Variants in ABTB2 observed in about 807,000 individuals in gnomAD.
ABTB2 encodes the protein ankyrin repeat and BTB domain containing 2, also known as ankyrin repeat and BTB/POZ domain-containing protein 2.
ABTB2 carries 56 observed loss-of-function variants against 104.1 expected under a neutral mutation model. The ratio of observed to expected loss-of-function variants is 0.54; its 90% confidence interval spans 0.43 to 0.67. The LOEUF is 0.67. Among genes scored for constraint, ABTB2 ranks in the 30% least tolerant of loss-of-function variants. The pLI is 0.00. For synonymous variants in ABTB2, 606 were observed against 608.2 expected (o/e 1.00, Z 0.05); for missense variants, 1,279 against 1,407.7 (o/e 0.91, Z 1.46).
chr11:34,317,692 G>A (rs1190350712), intron 1 of ABTB2, among the ~76,000 whole-genome samples: 1 of 150,790 alleles, frequency 6.6e-6, no homozygotes, highest in African/African-American at 2.5e-5. Flanking sequence ...AGCCTGGGAG[G>A]CGGAGGTTGC....
intron 9 of ABTB2, among the ~76,000 whole-genome samples, 184 bp downstream of exon 9, chr11:34,164,502 C>G (rs1390238234): frequency 1.3e-5 from 2 of 152,230 alleles, no homozygotes; most frequent in African/African-American, 4.8e-5. Context: ...TGTGGGGCCT[C>G]CCCCATCTCT....
intron 1 of ABTB2, among the ~76,000 whole-genome samples, chr11:34,295,286 C>T (rs755106198): frequency 1.3e-5 from 2 of 152,154 alleles, no homozygotes; most frequent in African/African-American, 2.4e-5. Flanking sequence ...TGATCTTACA[C>T]AGGCTAGAGG....
At chr11:34,196,077 C>T (rs1351048691) in intron 3 of ABTB2, among the ~76,000 whole-genome samples, 1 of 152,172 alleles carries the variant, frequency 6.6e-6, no homozygotes, top group Non-Finnish European at 1.5e-5. Context: ...TTTCCCACTT[C>T]CTGGACCCTC....
chr11:34,298,494 G>A (rs1047974317), intron 1 of ABTB2, among the ~76,000 whole-genome samples: 2 of 149,906 alleles, frequency 1.3e-5, no homozygotes, highest in Non-Finnish European at 3.0e-5. Flanking sequence ...ACAGAGTCTC[G>A]CTCTGTTGCC....
rs35018448 is a variant in ABTB2 at position 34,326,629 on chromosome 11, C to CAA, written c.883+30070_883+30071dup. 1.0e-3 allele frequency among the ~76,000 whole-genome samples: 102 copies of CAA among 102,360 alleles called. 1 individual carries two copies. The highest frequency in any genetic ancestry group is 1.9e-3 in the African/African-American group (55 of 29,064). 67.2% of individuals were successfully genotyped at this position (102,360 alleles called of 152,430 possible). A position where few individuals can be genotyped will look rare whatever the true frequency, so the allele number is the denominator to read the frequency against. On this transcript the variant is annotated intron_variant, in intron 1 of 16. Coordinates refer to ENST00000435224, the MANE Select transcript of ABTB2 (RefSeq NM_145804.3). ...TGGGTGTCAGAGGGAGACCCTGTCT[C>CAA]AAAAAAAAAAAAAAAAGTTTAAATA...
chr11:34,257,468 A>G (rs10836176), intron 1 of ABTB2, among the ~76,000 whole-genome samples: 46,756 of 152,082 alleles, frequency 0.31, 7,661 homozygotes, highest in African/African-American at 0.42. Flanking sequence ...ACTCAGATGA[A>G]TCAGGTAGCC....
intron 3 of ABTB2, among the ~76,000 whole-genome samples, chr11:34,180,440 C>T (rs1853012587): frequency 6.6e-6 from 1 of 152,216 alleles, no homozygotes; most frequent in South Asian, 2.1e-4. Flanking sequence ...GATCTGTCCT[C>T]AAATGCTGCA....
Position 34,356,007 on chromosome 11 carries a change from G to A in ABTB2, c.883+694C>T, listed in dbSNP as rs1855460612. ...TTTTAACCAATGGCTCACTTGGTTG[G>A]TGACAGCTTGGAAAAATCAGGTCTC... is the stretch of plus-strand genomic sequence containing the variant. On this transcript the variant is annotated intron_variant, in intron 1 of 16. Transcript: ENST00000435224. This position sits in a 1 kb window ranked among gnomAD's most constrained non-coding sequence, Gnocchi z 4.6. Among the ~76,000 whole-genome samples the A allele has an allele frequency of 6.6e-6, 1 of 152,190 alleles. No individual in the cohort carries two copies. Among genetic ancestry groups the A allele is most frequent in the Non-Finnish European group, 1.5e-5 (1 of 68,024 alleles).
At chr11:34,332,816 T>C (rs1297817179) in intron 1 of ABTB2, among the ~76,000 whole-genome samples, 4 of 149,978 alleles carry the variant, frequency 2.7e-5, no homozygotes, top group Admixed American at 1.3e-4. Flanking sequence ...CTGGTTTCAG[T>C]TAAAAAAAAA....
intron 1 of ABTB2, among the ~76,000 whole-genome samples, chr11:34,258,620 T>C (rs1395257470): frequency 6.7e-6 from 1 of 149,366 alleles, no homozygotes; most frequent in Non-Finnish European, 1.5e-5. Context: ...TTTTTTTTTT[T>C]TTTTTTTTGA....
At chr11:34,179,080 C>CAAAAAAAA (rs111676312) in intron 3 of ABTB2, among the ~76,000 whole-genome samples, 2 of 98,672 alleles carry the variant, frequency 2.0e-5, no homozygotes. Flanking sequence ...AACTCCAACT[C>CAAAAAAAA]AAAAAAAAAA....
chr11:34,264,419 C>G (rs562635037), intron 1 of ABTB2, among the ~76,000 whole-genome samples: 1 of 152,334 alleles, frequency 6.6e-6, no homozygotes, highest in East Asian at 1.9e-4. Flanking sequence ...ACAGAGGAAG[C>G]AAGAGCAGAC....
chr11:34,274,224 G>A (rs1322943146), intron 1 of ABTB2, among the ~76,000 whole-genome samples: 1 of 146,304 alleles, frequency 6.8e-6, no homozygotes, highest in Non-Finnish European at 1.5e-5. Flanking sequence ...CAGTTACTAA[G>A]GACTTACTTT....
At chr11:34,191,484 G>C (rs1022263029) in intron 3 of ABTB2, among the ~76,000 whole-genome samples, 1 of 152,206 alleles carries the variant, frequency 6.6e-6, no homozygotes, top group Non-Finnish European at 1.5e-5. Flanking sequence ...CTAGCAAAAA[G>C]AGCTCTATGT....
intron 3 of ABTB2, among the ~76,000 whole-genome samples, chr11:34,178,958 C>T (rs975606325): frequency 1.3e-5 from 2 of 151,788 alleles, no homozygotes; most frequent in African/African-American, 4.8e-5. Context: ...CACCTGTAGT[C>T]CAAGCTACTC....
chr11:34,334,771 T>G (rs928693929), intron 1 of ABTB2, among the ~76,000 whole-genome samples: 14 of 67,138 alleles, frequency 2.1e-4, no homozygotes, highest in African/African-American at 1.4e-3. Flanking sequence ...TATTTGGGTT[T>G]TTTTTTTTTT....
At chr11:34,208,273 A>G (rs1485267566) in intron 1 of ABTB2, among the ~76,000 whole-genome samples, 6 of 152,170 alleles carry the variant, frequency 3.9e-5, no homozygotes, top group Non-Finnish European at 8.8e-5. Flanking sequence ...GGACATATCT[A>G]TTTTTTTCTA....
intron 2 of ABTB2, among the ~76,000 whole-genome samples, chr11:34,198,170 T>C (rs192345000): frequency 6.6e-6 from 1 of 152,264 alleles, no homozygotes; most frequent in East Asian, 1.9e-4. Flanking sequence ...CACGCTGTAA[T>C]CCCAAGCCCT....
intron 1 of ABTB2, among the ~76,000 whole-genome samples, chr11:34,278,251 T>G (rs1480985598): frequency 6.6e-6 from 1 of 152,164 alleles, no homozygotes; most frequent in Non-Finnish European, 1.5e-5. Context: ...TAGAATTTCT[T>G]CAGTGTTTTT....
Sources: allele counts gnomAD v4.1 joint callset (sites outside exome capture counted in the v4.1 genomes callset), GRCh38; gene constraint gnomAD v4.1.1; non-coding constraint Gnocchi (gnomAD v3.1); transcripts MANE v1.5; gene names NCBI Gene and HGNC (gene_info 2026-07-23, HGNC 2026-07-21).